The following CENPK variants were observed in gnomAD, a reference collection of about 807,000 sequenced individuals.
CENPK encodes centromere protein K, also known as SoxLZ/Sox6-binding protein Solt.
A neutral mutation model predicts 40.9 loss-of-function variants in CENPK; 46 were observed. The observed-to-expected ratio is 1.13, with a 90% CI of 0.89 to 1.44. The LOEUF (loss-of-function observed/expected upper bound fraction) is 1.44. Among genes scored for constraint, CENPK ranks in the 40% most tolerant of loss-of-function variants. The pLI is 0.00. For missense variants in CENPK, 288 were observed against 303.5 expected, an observed-to-expected ratio of 0.95 and a Z score of 0.38; for synonymous variants, 107 against 104.4, an observed-to-expected ratio of 1.02 and a Z score of -0.15.
At chr5:65,553,238 TG>T (rs1371415323) in intron 3 of CENPK, among the ~76,000 whole-genome samples, 1 of 152,082 alleles carries the variant, frequency 6.6e-6, no homozygotes, top group Non-Finnish European at 1.5e-5. Context: ...GAAACTTTAC[TG>T]GGAAGAATAG....
chr5:65,503,111 T>A, the CENPK span, among the ~76,000 whole-genome samples: 1 of 29,574 alleles, frequency 3.4e-5, no homozygotes, highest in African/African-American at 9.5e-5. Context: ...CAATGTAATA[T>A]TTTTTTTTTT....
the CENPK span, among the ~76,000 whole-genome samples, chr5:65,499,095 A>C: frequency 6.6e-6 from 1 of 151,302 alleles, no homozygotes; most frequent in Non-Finnish European, 1.5e-5. Context: ...CCAGGCTTCA[A>C]GCTGTCCACC....
intron 9 of CENPK, among the ~76,000 whole-genome samples, chr5:65,524,243 G>A (rs1347648144): frequency 1.4e-5 from 2 of 147,216 alleles, no homozygotes; most frequent in Non-Finnish European, 3.0e-5. Context: ...AAATTAGCCA[G>A]GCATGGTTGC....
At chr5:65,529,680 G>A (rs1745400789) in intron 6 of CENPK, 2 of 154,128 alleles carry the variant, frequency 1.3e-5, no homozygotes, top group South Asian at 2.0e-4. Context: ...TAGAGATAGG[G>A]TTTCACCATG....
intron 9 of CENPK, among the ~76,000 whole-genome samples, chr5:65,522,719 C>G (rs1554104302): frequency 1.5e-4 from 23 of 152,184 alleles, no homozygotes; most frequent in Non-Finnish European, 4.4e-5. Flanking sequence ...TGTGAGCCAC[C>G]ATACCCCACC....
chr5:65,553,662 A>G (rs1750507765), intron 3 of CENPK, among the ~76,000 whole-genome samples: 1 of 152,216 alleles, frequency 6.6e-6, no homozygotes, highest in Non-Finnish European at 1.5e-5. Context: ...AGGAACCTGA[A>G]ACTAACCATA....
intron 6 of CENPK, 142 bp from the exon 7 acceptor site, chr5:65,529,341 G>T: frequency 1.7e-6 from 1 of 596,464 alleles, no homozygotes. Flanking sequence ...CATTTGAAAA[G>T]GTAAATATAC....
chr5:65,518,720 C>A (rs1238128698), intron 10 of CENPK, 87 bp from the exon 11 acceptor site: 5 of 784,296 alleles, frequency 6.4e-6, no homozygotes, highest in Non-Finnish European at 1.0e-5. Context: ...GAATATTGAC[C>A]TCTTTTCTTT....
At chr5:65,533,168 G>A (rs2150397450) in intron 6 of CENPK, among the ~76,000 whole-genome samples, 1 of 151,624 alleles carries the variant, frequency 6.6e-6, no homozygotes, top group East Asian at 2.0e-4. Context: ...TGGCCAAAAT[G>A]GTGAAACCCC....
downstream of CENPK, among the ~76,000 whole-genome samples, chr5:65,517,106 T>A (rs1396777332): frequency 6.6e-6 from 1 of 152,090 alleles, no homozygotes; most frequent in Non-Finnish European, 1.5e-5. Context: ...CACACCCAGC[T>A]AATTTTTGGT....
At chr5:65,514,254 TTTTTTTTAGTTTTTTTTA>T (rs1742700677), downstream of CENPK, among the ~76,000 whole-genome samples, 1 of 18,396 alleles carries the variant, frequency 5.4e-5, no homozygotes, top group African/African-American at 2.2e-4. Context: ...TTTTTTTTTT[TTTTTTTTAGTTTTTTTTA>T]GTTTTTTTTG....
the CENPK span, among the ~76,000 whole-genome samples, chr5:65,510,897 A>G: frequency 6.6e-6 from 1 of 152,206 alleles, no homozygotes; most frequent in Non-Finnish European, 1.5e-5. Flanking sequence ...TATTCCTCTC[A>G]GACCCTTCAC....
At chr5:65,559,585 C>T (rs796316115) in intron 2 of CENPK, among the ~76,000 whole-genome samples, 6 of 149,456 alleles carry the variant, frequency 4.0e-5, no homozygotes, top group South Asian at 2.1e-4. Context: ...GCCGAGATCC[C>T]GCCACTGCAC....
chr5:65,534,078 A>C (rs1423550136), intron 6 of CENPK, among the ~76,000 whole-genome samples: 1 of 151,456 alleles, frequency 6.6e-6, no homozygotes, highest in Non-Finnish European at 1.5e-5. Flanking sequence ...AAGGAAAAAG[A>C]AAAAAATTGA....
intron 2 of CENPK, among the ~76,000 whole-genome samples, chr5:65,558,719 T>C (rs878900862): frequency 2.0e-5 from 3 of 152,286 alleles, no homozygotes; most frequent in Middle Eastern, 3.4e-3. Context: ...TTTTCTTCTA[T>C]GGTGTAGCAC....
downstream of CENPK, among the ~76,000 whole-genome samples, chr5:65,515,027 T>C (rs1742764929): frequency 6.6e-6 from 1 of 152,112 alleles, no homozygotes; most frequent in African/African-American, 2.4e-5. Flanking sequence ...CTCTATTGTT[T>C]TTGTTTCAAT....
intron 3 of CENPK, among the ~76,000 whole-genome samples, chr5:65,554,546 T>C (rs949832502): frequency 1.3e-5 from 2 of 152,208 alleles, no homozygotes; most frequent in African/African-American, 4.8e-5. Context: ...TATTACAACA[T>C]AATATAATGG....
At chr5:65,530,809 C>G (rs1456713682) in intron 6 of CENPK, among the ~76,000 whole-genome samples, 2 of 152,056 alleles carry the variant, frequency 1.3e-5, no homozygotes, top group Non-Finnish European at 2.9e-5. Context: ...ACTTGGAAGG[C>G]TGAGGCAGGA....
intron 2 of CENPK, among the ~76,000 whole-genome samples, chr5:65,558,751 A>C (rs1263468216): frequency 6.6e-6 from 1 of 152,214 alleles, no homozygotes; most frequent in Non-Finnish European, 1.5e-5. Flanking sequence ...ACAGGGACAA[A>C]GTGAAAGAAT....
Sources: gnomAD v4.1 joint callset for allele counts (sites outside exome capture counted in the v4.1 genomes callset) on GRCh38, gnomAD v4.1.1 for gene constraint, MANE v1.5 for transcripts, NCBI Gene and HGNC (gene_info 2026-07-23, HGNC 2026-07-21) for gene names.